The following AGAP1 variants were observed in gnomAD, a reference collection of about 807,000 sequenced individuals.
The protein encoded by AGAP1 is arf-GAP with GTPase, ANK repeat and PH domain-containing protein 1.
Under a neutral mutation model 105.3 loss-of-function variants are expected in AGAP1, and 29 were observed. The observed-to-expected ratio is 0.28, with a 90% CI of 0.21 to 0.38. The LOEUF is 0.38. Ranked by LOEUF, AGAP1 falls within the 10% of genes least tolerant of loss-of-function variation. The probability of loss-of-function intolerance (pLI) is 1.00; values close to 1 mark genes in which losing one functional copy is unlikely to be tolerated. For synonymous variants in AGAP1, 509 were observed against 485.9 expected (o/e 1.05, Z -0.63); for missense variants, 998 against 1,165.1 (o/e 0.86, Z 2.09).
intron 1 of AGAP1, among the ~76,000 whole-genome samples, chr2:235,698,906 G>A (rs748031284): frequency 6.6e-6 from 1 of 152,174 alleles, no homozygotes; most frequent in Non-Finnish European, 1.5e-5. Context: ...TGAACATGTA[G>A]TCAGCATGTG....
In AGAP1 at chr2:235,723,359, T is replaced by C. The variant is rs1314055123; in HGVS notation, c.310+5715T>C. ...CATGATGCCACTCAGCTTTTAACTC[T>C]CCTTTCAAAAGAGAAAAAGTCAAAG... is the stretch of plus-strand genomic sequence containing the variant. On this transcript the variant is annotated intron_variant, in intron 3 of 17. Transcript: ENST00000304032. This position sits in a 1 kb window ranked among gnomAD's most constrained non-coding sequence, Gnocchi z 6.2. Among the ~76,000 whole-genome samples the C allele has an allele frequency of 6.6e-6, 1 of 152,158 alleles. No individual in the cohort carries two copies. Among genetic ancestry groups the C allele is most frequent in the Non-Finnish European group, 1.5e-5 (1 of 68,036 alleles).
intron 1 of AGAP1, among the ~76,000 whole-genome samples, chr2:235,648,940 G>C (rs1421498275): frequency 2.6e-5 from 4 of 151,664 alleles, no homozygotes; most frequent in African/African-American, 9.7e-5. Context: ...TTCGGAAGCA[G>C]GGACCCCTCC....
Position 235,888,466 on chromosome 2 carries a change from T to G in AGAP1, c.1155+5017T>G, listed in dbSNP as rs1250003967. Among the ~76,000 whole-genome samples the G allele has an allele frequency of 6.6e-6, 1 of 151,912 alleles. No homozygotes were observed. Among genetic ancestry groups the G allele is most frequent in the Non-Finnish European group, 1.5e-5 (1 of 67,984 alleles). On this transcript the variant is annotated intron_variant, in intron 10 of 17. Coordinates refer to ENST00000304032, the MANE Select transcript of AGAP1 (RefSeq NM_001037131.3). This position sits in a 1 kb window ranked among gnomAD's most constrained non-coding sequence, Gnocchi z 4.8. ...CCCAGGCGAGCTCCCCAACCAGTCC[T>G]CCCTAGACAAGACAGGCAAGCAAGG...
At chr2:235,768,694 G>A (rs969350327) in intron 6 of AGAP1, among the ~76,000 whole-genome samples, 2 of 152,120 alleles carry the variant, frequency 1.3e-5, no homozygotes, top group Admixed American at 1.3e-4. Flanking sequence ...GCACGGTGCC[G>A]GGGCACATTC....
chr2:236,015,429 G>A (rs751663141), intron 13 of AGAP1, among the ~76,000 whole-genome samples: 53 of 152,184 alleles, frequency 3.5e-4, no homozygotes, highest in African/African-American at 5.8e-4. Flanking sequence ...TCTAAAGGTC[G>A]TCTGGTGCCA....
chr2:235,723,026 A>G lies in AGAP1; in HGVS notation c.310+5382A>G, dbSNP rs1951466265. Among the ~76,000 whole-genome samples, 1 of 152,110 alleles carries G rather than the reference A, an allele frequency of 6.6e-6. No individual in the cohort carries two copies. Among genetic ancestry groups the G allele is most frequent in the African/African-American group, 2.4e-5 (1 of 41,398 alleles). ...GGTTTAGACGGTCGCTGCACTTAGA[A>G]CTGTTGGAGTTGGCCCCATCACTTG... On this transcript the variant is annotated intron_variant, in intron 3 of 17. Coordinates refer to ENST00000304032, the MANE Select transcript of AGAP1 (RefSeq NM_001037131.3). This position sits in a 1 kb window ranked among gnomAD's most constrained non-coding sequence, Gnocchi z 6.2.
intron 6 of AGAP1, among the ~76,000 whole-genome samples, chr2:235,784,944 G>A (rs1956528589): frequency 6.6e-6 from 1 of 152,160 alleles, no homozygotes. Context: ...AGACCAAGTG[G>A]AAATCTGTTT....
In AGAP1 at chr2:235,741,033, C is replaced by T. The variant is rs369456229; in HGVS notation, c.381C>T (p.Gly127=). 3 of 1,612,294 alleles carry T rather than the reference C, an allele frequency of 1.9e-6. No homozygotes were observed. Among genetic ancestry groups the T allele is most frequent in the Non-Finnish European group, 2.5e-6 (3 of 1,178,888 alleles). Residue 127 remains glycine (G), a synonymous_variant, in exon 4 of 18, where the codon GGC becomes GGT. Coordinates refer to ENST00000304032, the MANE Select transcript of AGAP1 (RefSeq NM_001037131.3). This position sits in a 1 kb window ranked among gnomAD's most constrained non-coding sequence, Gnocchi z 4.9. ...SYLLLIRDEG[G]PPEAQFAMWV... ...TGCTGCTGATCAGAGATGAAGGGGG[C>T]CCCCCGGAGGCGCAGGTGAGTATAC... is the stretch of plus-strand genomic sequence containing the variant.
At position 235,882,491 on chromosome 2, in the gene AGAP1, C is replaced by T. The variant is rs974169353; in HGVS notation, c.1051-854C>T. On this transcript the variant is annotated intron_variant, in intron 9 of 17. Transcript: ENST00000304032. The surrounding 1 kb of genome is among the most constrained non-coding windows in gnomAD (Gnocchi z 4.6). Reference sequence around the variant, plus strand: ...TTCCCCCCACGTCTGGTTTGTCTGCCATTTTCTTAAAACAATCGGTACCAT... The same window carrying T: ...TTCCCCCCACGTCTGGTTTGTCTGCTATTTTCTTAAAACAATCGGTACCAT... The T allele has an allele frequency of 2.4e-5, 37 of 1,537,988 alleles. No homozygotes were observed. The highest frequency in any genetic ancestry group is 3.1e-5 in the Non-Finnish European group (35 of 1,117,832).
intron 6 of AGAP1, among the ~76,000 whole-genome samples, chr2:235,755,809 G>A (rs892238750): frequency 2.0e-5 from 3 of 152,200 alleles, no homozygotes; most frequent in African/African-American, 7.2e-5. Flanking sequence ...GTGGCAGCAA[G>A]CAGCTCTTCT....
chr2:235,860,388 A>G (rs2048881251), intron 9 of AGAP1, among the ~76,000 whole-genome samples: 1 of 151,874 alleles, frequency 6.6e-6, no homozygotes, highest in Non-Finnish European at 1.5e-5. Context: ...GAGATGGCTT[A>G]TGGATTGAAT....
At position 235,635,813 on chromosome 2, in the gene AGAP1, G is replaced by C. The variant is rs1197645221; in HGVS notation, c.164-73366G>C. ...GTAGGACAAATGTTTTCCTTTCCGT[G>C]CTTTAAAAGTCTCATCTTAGACCGG... On this transcript the variant is annotated intron_variant, in intron 1 of 17. Coordinates refer to ENST00000304032, the MANE Select transcript of AGAP1 (RefSeq NM_001037131.3). The surrounding 1 kb of genome is among the most constrained non-coding windows in gnomAD (Gnocchi z 5.3). 6.6e-6 allele frequency among the ~76,000 whole-genome samples: 1 copy of C among 152,076 alleles called. No individual in the cohort carries two copies. Among genetic ancestry groups the C allele is most frequent in the South Asian group, 2.1e-4 (1 of 4,814 alleles).
Position 235,746,377 on chromosome 2 carries a change from C to CTTTTTTTTTTTTTTTTTTTTTTT in AGAP1, c.538+1550_538+1572dup, listed in dbSNP as rs1172393048. On this transcript the variant is annotated intron_variant, in intron 5 of 17. Coordinates refer to ENST00000304032, the MANE Select transcript of AGAP1 (RefSeq NM_001037131.3). ...GCTTCCTGGAGAGCACCTCCCCCAA[C>CTTTTTTTTTTTTTTTTTTTTTTT]TTTTTTTTTTTTTTTTTTTTTTTTT... Among the ~76,000 whole-genome samples the CTTTTTTTTTTTTTTTTTTTTTTT allele has an allele frequency of 2.0e-4, 11 of 55,562 alleles. 2 individuals carry two copies. Among genetic ancestry groups the CTTTTTTTTTTTTTTTTTTTTTTT allele is most frequent in the Non-Finnish European group, 3.0e-4 (10 of 32,920 alleles). 36.5% of individuals were successfully genotyped at this position (55,562 alleles called of 152,430 possible).
chr2:235,984,400 T>C (rs2055218072), intron 13 of AGAP1, among the ~76,000 whole-genome samples: 2 of 151,426 alleles, frequency 1.3e-5, no homozygotes, highest in South Asian at 4.2e-4. Flanking sequence ...TTTCCTAGGG[T>C]ATAAACCTAG....
chr2:236,119,011 G>A lies in AGAP1; in HGVS notation c.2115-1181G>A, dbSNP rs1176030910. ...TTACTGTTGGTTTCCTCTTCTATTT[G>A]TTAAGCTTCTCATCTCATCCTGTCC... On this transcript the variant is annotated intron_variant, in intron 16 of 17. Transcript: ENST00000304032. This position sits in a 1 kb window ranked among gnomAD's most constrained non-coding sequence, Gnocchi z 6.6. Among the ~76,000 whole-genome samples, 1 of 152,038 alleles carries A rather than the reference G, an allele frequency of 6.6e-6. No individual in the cohort carries two copies. The highest frequency in any genetic ancestry group is 2.4e-5 in the African/African-American group (1 of 41,386).
intron 13 of AGAP1, among the ~76,000 whole-genome samples, chr2:236,006,353 G>A (rs913867585): frequency 1.2e-4 from 19 of 152,144 alleles, no homozygotes; most frequent in African/African-American, 4.3e-4. Flanking sequence ...CTGGAGAATG[G>A]TATTAGAAAC....
rs1944975158 is a variant in AGAP1, at chr2:235,582,723, A to AG, written c.163+87879dup. ...AAGGAGCCTGGGAGAAGTCAGAGAG[A>AG]GGGGGCTCGTGGTCCTTCTTGGGCT... is the stretch of plus-strand genomic sequence containing the variant. On this transcript the variant is annotated intron_variant, in intron 1 of 17. Coordinates refer to ENST00000304032, the MANE Select transcript of AGAP1 (RefSeq NM_001037131.3). The surrounding 1 kb of genome is among the most constrained non-coding windows in gnomAD (Gnocchi z 4.7). Among the ~76,000 whole-genome samples, 2 of 152,212 alleles carry AG rather than the reference A, an allele frequency of 1.3e-5. No homozygotes were observed. The highest frequency in any genetic ancestry group is 2.9e-5 in the Non-Finnish European group (2 of 68,024).
chr2:236,033,027 C>T (rs1204870733), intron 13 of AGAP1, among the ~76,000 whole-genome samples: 14 of 152,090 alleles, frequency 9.2e-5, no homozygotes, highest in Non-Finnish European at 1.8e-4. Flanking sequence ...GGGCGGATCA[C>T]CTGAGGTCAG....
At chr2:235,859,495 C>T (rs553557219) in intron 9 of AGAP1, among the ~76,000 whole-genome samples, 16 of 143,730 alleles carry the variant, frequency 1.1e-4, no homozygotes, top group East Asian at 1.1e-3. Context: ...CAGATAGGAA[C>T]GACTAATTGG....
Sources: gnomAD v4.1 joint callset for allele counts (sites outside exome capture counted in the v4.1 genomes callset) on GRCh38, gnomAD v4.1.1 for gene constraint, Gnocchi (gnomAD v3.1) non-coding constraint, MANE v1.5 for transcripts, NCBI Gene and HGNC (gene_info 2026-07-23, HGNC 2026-07-21) for gene names.